CNTN5: variants seen among roughly 807,000 people sequenced by gnomAD.
The protein encoded by CNTN5 is contactin 5, also known as contactin-5.
Under a neutral mutation model 129.1 loss-of-function variants are expected in CNTN5, and 77 were observed. The observed-to-expected ratio is 0.60, with a 90% CI of 0.50 to 0.72. The LOEUF is 0.72. Ranked by LOEUF, CNTN5 falls within the 30% of genes least tolerant of loss-of-function variation. CNTN5 has a pLI of 0.00. For missense variants in CNTN5, 1,478 were observed against 1,328.8 expected (o/e 1.11, Z -1.75); for synonymous variants, 509 against 465.6 (o/e 1.09, Z -1.20).
chr11:99,251,754 A>T lies in CNTN5; in HGVS notation c.-209-73592A>T, dbSNP rs140907706. Reference sequence around the variant, plus strand: ...ACAGTAGGAATGGTAACATTTTTAAATTTTTTTCATGTATGGTAGTAACAT... The same window carrying T: ...ACAGTAGGAATGGTAACATTTTTAATTTTTTTTCATGTATGGTAGTAACAT... On this transcript the variant is annotated intron_variant, in intron 1 of 24. Transcript: ENST00000524871. Among the ~76,000 whole-genome samples, 481 of 152,012 alleles carry T rather than the reference A, an allele frequency of 3.2e-3. 2 individuals carry two copies. The highest frequency in any genetic ancestry group is 0.011 in the African/African-American group (473 of 41,548).
chr11:99,317,879 G>C (rs931682919), intron 1 of CNTN5, among the ~76,000 whole-genome samples: 1 of 152,012 alleles, frequency 6.6e-6, no homozygotes, highest in Non-Finnish European at 1.5e-5. Context: ...TATAGCAGAT[G>C]AGTTTTTTAC....
At chr11:99,969,705 C>T (rs1159400334) in intron 8 of CNTN5, among the ~76,000 whole-genome samples, 1 of 152,084 alleles carries the variant, frequency 6.6e-6, no homozygotes, top group African/African-American at 2.4e-5. Flanking sequence ...GCAGTTTGTT[C>T]TCCCAAACTC....
intron 3 of CNTN5, among the ~76,000 whole-genome samples, chr11:99,622,768 A>G (rs1950993986): frequency 6.6e-6 from 1 of 152,084 alleles, no homozygotes; most frequent in African/African-American, 2.4e-5. Flanking sequence ...GGTTATACAC[A>G]TGACTTTTGC....
intron 1 of CNTN5, among the ~76,000 whole-genome samples, chr11:99,152,003 A>G (rs1860083478): frequency 6.6e-6 from 1 of 152,188 alleles, no homozygotes; most frequent in Non-Finnish European, 1.5e-5. Flanking sequence ...CTTGTATCCC[A>G]GAACTTAAAG....
At chr11:99,565,435 A>G (rs1948971537) in intron 3 of CNTN5, among the ~76,000 whole-genome samples, 1 of 152,192 alleles carries the variant, frequency 6.6e-6, no homozygotes, top group Non-Finnish European at 1.5e-5. Context: ...GGTACAGTCA[A>G]GAGATTACTT....
chr11:99,476,402 A>C (rs1026947191), intron 2 of CNTN5, among the ~76,000 whole-genome samples: 4 of 152,160 alleles, frequency 2.6e-5, no homozygotes, highest in African/African-American at 9.7e-5. Context: ...ATACATTTCT[A>C]TTCCTAATGT....
chr11:99,160,407 A>G (rs1860551722), intron 1 of CNTN5, among the ~76,000 whole-genome samples: 1 of 152,200 alleles, frequency 6.6e-6, no homozygotes, highest in Non-Finnish European at 1.5e-5. Flanking sequence ...GTGAAATCAT[A>G]AAAGTACCTC....
At chr11:99,144,575 A>G (rs1859684527) in intron 1 of CNTN5, among the ~76,000 whole-genome samples, 1 of 152,242 alleles carries the variant, frequency 6.6e-6, no homozygotes, top group East Asian at 1.9e-4. Context: ...GTATTTGTTC[A>G]GTTGGTGGTG....
chr11:99,842,049 C>T (rs903262221), intron 4 of CNTN5, among the ~76,000 whole-genome samples: 1 of 151,836 alleles, frequency 6.6e-6, no homozygotes, highest in Admixed American at 6.6e-5. Flanking sequence ...CCACGCACCA[C>T]CACGCCCAGC....
chr11:99,258,786 ACTGT>A (rs1178849883), intron 1 of CNTN5, among the ~76,000 whole-genome samples: 6 of 151,950 alleles, frequency 3.9e-5, no homozygotes, highest in Non-Finnish European at 8.8e-5. Context: ...TGTAAATTTC[ACTGT>A]CTATTTAGTC....
intron 13 of CNTN5, among the ~76,000 whole-genome samples, chr11:100,112,717 T>G (rs1453410827): frequency 6.6e-6 from 1 of 152,184 alleles, no homozygotes; most frequent in Admixed American, 6.5e-5. Flanking sequence ...TCAGCTCATT[T>G]TGAGATTGAT....
At chr11:99,979,616 A>G (rs563282009) in intron 8 of CNTN5, among the ~76,000 whole-genome samples, 3 of 152,222 alleles carry the variant, frequency 2.0e-5, no homozygotes, top group African/African-American at 7.2e-5. Context: ...CCTTGCTCCT[A>G]TGTCCTAGTA....
intron 13 of CNTN5, among the ~76,000 whole-genome samples, chr11:100,133,521 G>T (rs1946436296): frequency 6.6e-6 from 1 of 152,046 alleles, no homozygotes; most frequent in Admixed American, 6.6e-5. Context: ...CAGCTACAAA[G>T]AAAATATAAT....
At chr11:99,358,613 C>T (rs1274903394) in intron 2 of CNTN5, among the ~76,000 whole-genome samples, 1 of 151,998 alleles carries the variant, frequency 6.6e-6, no homozygotes, top group East Asian at 1.9e-4. Context: ...CTATGAGTTT[C>T]AGGCCAACAT....
intron 2 of CNTN5, among the ~76,000 whole-genome samples, chr11:99,384,476 C>T (rs897540695): frequency 6.6e-6 from 1 of 152,086 alleles, no homozygotes; most frequent in African/African-American, 2.4e-5. Flanking sequence ...AATTTCACCC[C>T]CAACCGAGGG....
intron 2 of CNTN5, among the ~76,000 whole-genome samples, chr11:99,444,777 G>A (rs1943991867): frequency 6.6e-6 from 1 of 151,190 alleles, no homozygotes; most frequent in Non-Finnish European, 1.5e-5. Context: ...TGCCTAACTA[G>A]CTAATCTTTA....
intron 1 of CNTN5, among the ~76,000 whole-genome samples, chr11:99,161,062 G>C (rs367927365): frequency 4.6e-5 from 7 of 152,050 alleles, no homozygotes; most frequent in East Asian, 1.9e-4. Context: ...AGTGGACCAC[G>C]GAGGGAACAC....
chr11:99,910,943 C>G (rs1949642739), intron 6 of CNTN5, among the ~76,000 whole-genome samples: 1 of 152,038 alleles, frequency 6.6e-6, no homozygotes, highest in South Asian at 2.1e-4. Flanking sequence ...AATATGCAAT[C>G]ACTTTGCAAG....
At chr11:99,429,864 T>C (rs373407645) in intron 2 of CNTN5, among the ~76,000 whole-genome samples, 4 of 152,056 alleles carry the variant, frequency 2.6e-5, no homozygotes, top group African/African-American at 7.2e-5. Flanking sequence ...GTAACAACTA[T>C]TTACTGTAAG....
Sources: gnomAD v4.1 joint callset for allele counts (sites outside exome capture counted in the v4.1 genomes callset) on GRCh38, gnomAD v4.1.1 for gene constraint, MANE v1.5 for transcripts, NCBI Gene and HGNC (gene_info 2026-07-23, HGNC 2026-07-21) for gene names.